NPEPPS: variants seen among roughly 807,000 people sequenced by gnomAD.
NPEPPS encodes aminopeptidase puromycin sensitive, also known as puromycin-sensitive aminopeptidase.
In NPEPPS, 14 loss-of-function variants were observed where a neutral mutation model predicts 115.5. The ratio of observed to expected loss-of-function variants is 0.12; its 90% CI spans 0.08 to 0.19. The LOEUF is 0.19. Among genes scored for constraint, NPEPPS ranks in the 10% least tolerant of loss-of-function variants. The probability of loss-of-function intolerance (pLI) is 1.00; values close to 1 mark genes in which losing one functional copy is unlikely to be tolerated. For missense variants in NPEPPS, 523 were observed against 1,110.8 expected (o/e 0.47, Z 7.52); for synonymous variants, 285 against 390.6 (o/e 0.73, Z 3.19).
In NPEPPS at chr17:47,579,562, G is replaced by A. The variant is rs1477556197; in HGVS notation, c.540+51G>A. 2.6e-6 allele frequency: 4 copies of A among 1,535,426 alleles called. No individual in the cohort carries two copies. The African/African-American group carries it at 5.5e-5, about 21-fold the overall frequency. On this transcript the variant is annotated intron_variant, in intron 4 of 22. Transcript: ENST00000322157. The stretch of plus-strand genomic sequence containing the variant: ...TTATTATTCTTAAATTAGGCATTCT[G>A]ACAAAGCTGTGTTTTATTATGTGGG...
At chr17:47,532,231 TTCTCTCTTAACC>T (rs1421393396) in intron 1 of NPEPPS, among the ~76,000 whole-genome samples, 5 of 152,156 alleles carry the variant, frequency 3.3e-5, no homozygotes, top group Admixed American at 2.6e-4. Flanking sequence ...AGTGACTTTG[TTCTCTCTTAACC>T]TCCAGAGAAG....
chr17:47,617,773 G>A (rs1597898869), intron 19 of NPEPPS, among the ~76,000 whole-genome samples: 1 of 152,168 alleles, frequency 6.6e-6, no homozygotes, highest in African/African-American at 2.4e-5. Context: ...AGATCTTGAT[G>A]TTAAACTGGT....
chr17:47,539,152 C>G (rs1373524158), intron 1 of NPEPPS, among the ~76,000 whole-genome samples: 2 of 136,374 alleles, frequency 1.5e-5, no homozygotes, highest in Non-Finnish European at 3.1e-5. Context: ...CTAGATACAA[C>G]TGATACTCTG....
intron 2 of NPEPPS, among the ~76,000 whole-genome samples, chr17:47,562,751 CT>C (rs1470375466): frequency 1.4e-5 from 2 of 147,102 alleles, no homozygotes; most frequent in African/African-American, 5.0e-5. Context: ...GAAATACCAA[CT>C]TTAGTTAATT....
At chr17:47,527,840 T>G (rs1907501256), upstream of NPEPPS, among the ~76,000 whole-genome samples, 1 of 151,576 alleles carries the variant, frequency 6.6e-6, no homozygotes, top group Non-Finnish European at 1.5e-5. Flanking sequence ...TCCCAGCTAC[T>G]TAGGAGGCTG....
intron 12 of NPEPPS, among the ~76,000 whole-genome samples, chr17:47,594,793 C>A (rs1381396135): frequency 6.6e-6 from 1 of 151,856 alleles, no homozygotes; most frequent in East Asian, 1.9e-4. Context: ...CCACCACGCC[C>A]GGCTAATTTT....
intron 5 of NPEPPS, among the ~76,000 whole-genome samples, chr17:47,584,218 C>CT (rs1207850103): frequency 7.8e-6 from 1 of 127,712 alleles, no homozygotes; most frequent in South Asian, 2.7e-4. Context: ...AAGACTCCAT[C>CT]TCGGGGGAAA....
intron 17 of NPEPPS, among the ~76,000 whole-genome samples, chr17:47,611,458 CAAAAAA>C (rs71141920): frequency 8.3e-6 from 1 of 120,166 alleles, no homozygotes; most frequent in African/African-American, 3.3e-5. Flanking sequence ...GACCACATCT[CAAAAAA>C]AAAAAAAAAA....
rs59893483 is a variant in NPEPPS at position 47,610,845 on chromosome 17, C to CTTTTTTTTTTTT, written c.2096-1600_2096-1589dup. ...GAAATTGCTGAGTCATATGATGACT[C>CTTTTTTTTTTTT]TTTTTTTTTTTTTTTTTTTTTTTTT... On this transcript the variant is annotated intron_variant, in intron 17 of 22. Transcript: ENST00000322157. 1.4e-4 allele frequency among the ~76,000 whole-genome samples: 14 copies of CTTTTTTTTTTTT among 100,120 alleles called. 1 individual carries two copies. Among genetic ancestry groups the CTTTTTTTTTTTT allele is most frequent in the African/African-American group, 5.0e-4 (12 of 23,980 alleles). 65.7% of individuals were successfully genotyped at this position (100,120 alleles called of 152,430 possible). A position where few individuals can be genotyped will look rare whatever the true frequency, so the allele number is the denominator to read the frequency against.
intron 1 of NPEPPS, among the ~76,000 whole-genome samples, chr17:47,543,857 G>A (rs1422876120): frequency 2.0e-5 from 3 of 150,342 alleles, no homozygotes; most frequent in Non-Finnish European, 4.4e-5. Context: ...AGGAAAACAT[G>A]GACCAAGATG....
intron 22 of NPEPPS, among the ~76,000 whole-genome samples, chr17:47,621,130 A>G (rs1330175503): frequency 6.8e-6 from 1 of 147,690 alleles, no homozygotes; most frequent in Non-Finnish European, 1.5e-5. Context: ...GTGATGAGCC[A>G]TGATCGTTTC....
intron 2 of NPEPPS, among the ~76,000 whole-genome samples, chr17:47,556,940 C>G (rs1910083803): frequency 6.6e-6 from 1 of 152,204 alleles, no homozygotes; most frequent in African/African-American, 2.4e-5. Context: ...CTGCACCCAG[C>G]CTGTTTTACT....
At chr17:47,566,314 C>G (rs1432684378) in intron 2 of NPEPPS, among the ~76,000 whole-genome samples, 1 of 151,770 alleles carries the variant, frequency 6.6e-6, no homozygotes, top group Non-Finnish European at 1.5e-5. Context: ...ATTTAATAGC[C>G]TAGTCTAATG....
At chr17:47,553,210 A>C (rs555531869) in intron 2 of NPEPPS, among the ~76,000 whole-genome samples, 1 of 151,754 alleles carries the variant, frequency 6.6e-6, no homozygotes, top group South Asian at 2.1e-4. Flanking sequence ...CTACTAAAAA[A>C]AAAAGTACAA....
chr17:47,577,420 G>T (rs1911580569), intron 3 of NPEPPS, among the ~76,000 whole-genome samples: 1 of 151,722 alleles, frequency 6.6e-6, no homozygotes, highest in Non-Finnish European at 1.5e-5. Flanking sequence ...GAATACATTT[G>T]CTTTTTTAAA....
At chr17:47,618,162 T>C (rs1914328129) in intron 19 of NPEPPS, among the ~76,000 whole-genome samples, 188 bp from the exon 20 acceptor site, 1 of 152,088 alleles carries the variant, frequency 6.6e-6, no homozygotes, top group African/African-American at 2.4e-5. Flanking sequence ...ATTACAGGTG[T>C]GAACCACCGC....
At chr17:47,548,375 A>G (rs1909385424) in intron 2 of NPEPPS, 1 of 152,090 alleles carries the variant, frequency 6.6e-6, no homozygotes, top group Non-Finnish European at 1.5e-5. Flanking sequence ...GGAGAAAAAT[A>G]GAAGTACTTT....
At chr17:47,610,845 C>CTTTTTTTTTTTTTTTTTTT (rs59893483) in intron 17 of NPEPPS, among the ~76,000 whole-genome samples, 1 of 100,112 alleles carries the variant, frequency 1.0e-5, no homozygotes. Flanking sequence ...TATGATGACT[C>CTTTTTTTTTTTTTTTTTTT]TTTTTTTTTT....
At chr17:47,575,365 G>A (rs1056339616) in intron 3 of NPEPPS, among the ~76,000 whole-genome samples, 9 of 151,922 alleles carry the variant, frequency 5.9e-5, no homozygotes, top group African/African-American at 2.2e-4. Flanking sequence ...TATAAGAGAT[G>A]TATCATTCTT....
Sources: gnomAD v4.1 joint callset for allele counts (sites outside exome capture counted in the v4.1 genomes callset) on GRCh38, gnomAD v4.1.1 for gene constraint, MANE v1.5 for transcripts, NCBI Gene and HGNC (gene_info 2026-07-23, HGNC 2026-07-21) for gene names.